SAMMSON: variants seen among roughly 807,000 people sequenced by gnomAD.
SAMMSON encodes the protein long intergenic non-protein coding RNA 1212.
intron 4 of SAMMSON, among the ~76,000 whole-genome samples, chr3:70,242,092 T>C (rs1701670953): frequency 6.6e-6 from 1 of 152,218 alleles, no homozygotes; most frequent in African/African-American, 2.4e-5. Flanking sequence ...GCCAATGATG[T>C]GTACTGCTAT....
At chr3:70,432,057 T>A (rs1312661126) in intron 2 of SAMMSON, among the ~76,000 whole-genome samples, 1 of 152,056 alleles carries the variant, frequency 6.6e-6, no homozygotes, top group Non-Finnish European at 1.5e-5. Context: ...TATGAACATA[T>A]GTTTTTATTC....
At chr3:70,012,656 A>G (rs1363476093) in intron 2 of SAMMSON, 4 of 152,284 alleles carry the variant, frequency 2.6e-5, no homozygotes, top group Non-Finnish European at 5.9e-5. Context: ...TACATCAGCC[A>G]TAGAAAACTG....
intron 3 of SAMMSON, chr3:70,014,397 A>T (rs1296409882): frequency 2.0e-5 from 3 of 151,608 alleles, no homozygotes; most frequent in Non-Finnish European, 4.4e-5. Context: ...GCTGTTCACT[A>T]CGAGGAGACT....
chr3:70,274,940 A>G (rs1702008524), intron 6 of SAMMSON, among the ~76,000 whole-genome samples: 1 of 152,196 alleles, frequency 6.6e-6, no homozygotes, highest in Non-Finnish European at 1.5e-5. Context: ...GAGTTATATA[A>G]AAGTGGGAAA....
At chr3:70,147,445 GTGTGTT>G (rs2067553601) in intron 4 of SAMMSON, among the ~76,000 whole-genome samples, 1 of 152,004 alleles carries the variant, frequency 6.6e-6, no homozygotes, top group Non-Finnish European at 1.5e-5. Flanking sequence ...AGTCAAGACT[GTGTGTT>G]ATTGTCAAGG....
chr3:70,025,173 A>G (rs955154272), intron 3 of SAMMSON: 1 of 152,216 alleles, frequency 6.6e-6, no homozygotes, highest in Non-Finnish European at 1.5e-5. Flanking sequence ...AGAGAAAAAG[A>G]TATTTTGGAA....
At chr3:70,332,422 G>A (rs984570321) in intron 7 of SAMMSON, among the ~76,000 whole-genome samples, 1 of 152,086 alleles carries the variant, frequency 6.6e-6, no homozygotes, top group Non-Finnish European at 1.5e-5. Flanking sequence ...CATTCTGGTT[G>A]CAAGTTGCAG....
intron 2 of SAMMSON, among the ~76,000 whole-genome samples, chr3:70,411,193 C>CT (rs1226321610): frequency 6.6e-6 from 1 of 152,150 alleles, no homozygotes; most frequent in African/African-American, 2.4e-5. Context: ...GCCAAGTTAT[C>CT]TTGACTAAAA....
intron 4 of SAMMSON, among the ~76,000 whole-genome samples, chr3:70,227,957 A>G (rs764047019): frequency 3.7e-4 from 57 of 152,076 alleles, no homozygotes; most frequent in Admixed American, 4.6e-4. Context: ...GGTGAATAGT[A>G]TAACATTCAT....
chr3:70,113,577 A>G (rs1181674185), intron 4 of SAMMSON, among the ~76,000 whole-genome samples: 2 of 152,220 alleles, frequency 1.3e-5, no homozygotes, highest in Non-Finnish European at 2.9e-5. Context: ...GACTTAGTCC[A>G]GCACACTCAT....
intron 3 of SAMMSON, among the ~76,000 whole-genome samples, chr3:70,054,615 C>T (rs905571310): frequency 6.6e-6 from 1 of 151,996 alleles, no homozygotes; most frequent in African/African-American, 2.4e-5. Context: ...TAACATTAAC[C>T]CCCAAAGTTA....
chr3:70,087,426 A>G (rs142032706), intron 4 of SAMMSON, among the ~76,000 whole-genome samples: 1 of 152,186 alleles, frequency 6.6e-6, no homozygotes, highest in South Asian at 2.1e-4. Context: ...TCTCAGCCTG[A>G]GACCTTTTTC....
chr3:70,433,960 CA>C (rs1277639923), intron 2 of SAMMSON, among the ~76,000 whole-genome samples: 1 of 152,144 alleles, frequency 6.6e-6, no homozygotes, highest in Non-Finnish European at 1.5e-5. Context: ...TATATTTATG[CA>C]GGTAAGCTAC....
At chr3:70,321,971 T>G (rs1702542305) in intron 7 of SAMMSON, among the ~76,000 whole-genome samples, 1 of 152,086 alleles carries the variant, frequency 6.6e-6, no homozygotes, top group African/African-American at 2.4e-5. Flanking sequence ...CAAGCTCAAT[T>G]TATTTTATTT....
At chr3:70,169,081 T>C (rs1015155532) in intron 4 of SAMMSON, among the ~76,000 whole-genome samples, 1 of 151,954 alleles carries the variant, frequency 6.6e-6, no homozygotes. Context: ...AACTAAAATA[T>C]AAAAAGAAAG....
intron 4 of SAMMSON, chr3:70,127,218 A>G (rs1313754397): frequency 6.6e-6 from 1 of 152,208 alleles, no homozygotes; most frequent in Non-Finnish European, 1.5e-5. Context: ...ATTTATTTTT[A>G]TTCTAAAGGA....
At chr3:70,114,575 A>C (rs2067402439) in intron 4 of SAMMSON, among the ~76,000 whole-genome samples, 1 of 152,250 alleles carries the variant, frequency 6.6e-6, no homozygotes, top group Admixed American at 6.5e-5. Flanking sequence ...AGTTTTACAC[A>C]ACAGTGCTTA....
At chr3:70,135,777 C>G (rs771695100) in intron 4 of SAMMSON, among the ~76,000 whole-genome samples, 12 of 152,044 alleles carry the variant, frequency 7.9e-5, no homozygotes, top group Non-Finnish European at 1.5e-4. Flanking sequence ...TCTGTACTTT[C>G]TATGTTATGT....
chr3:70,258,841 A>G (rs1305844904), intron 6 of SAMMSON, among the ~76,000 whole-genome samples: 2 of 152,192 alleles, frequency 1.3e-5, no homozygotes, highest in African/African-American at 4.8e-5. Context: ...CGCTGAGAGC[A>G]GGTGATGACC....
Sources: allele counts gnomAD v4.1 joint callset (sites outside exome capture counted in the v4.1 genomes callset), GRCh38; gene constraint gnomAD v4.1.1; transcripts MANE v1.5; gene names NCBI Gene and HGNC (gene_info 2026-07-23, HGNC 2026-07-21).